The following IDE variants were observed in gnomAD, a reference collection of about 807,000 sequenced individuals.
IDE encodes the protein insulin-degrading enzyme.
Under a neutral mutation model 133.2 loss-of-function variants are expected in IDE, and 58 were observed. The ratio of observed to expected loss-of-function variants is 0.44; its 90% CI spans 0.35 to 0.54. The LOEUF (loss-of-function observed/expected upper bound fraction) is 0.54. Among genes scored for constraint, IDE ranks in the 20% least tolerant of loss-of-function variants. IDE has a pLI of 0.00. For synonymous variants in IDE, 396 were observed against 421.3 expected, an observed-to-expected ratio of 0.94 and a Z score of 0.73; for missense variants, 981 against 1,234.0, an observed-to-expected ratio of 0.79 and a Z score of 3.07.
chr10:92,500,281 G>C (rs1847934203), intron 11 of IDE, among the ~76,000 whole-genome samples: 2 of 149,414 alleles, frequency 1.3e-5, no homozygotes, highest in South Asian at 4.2e-4. Context: ...TGGGCAACAA[G>C]AGTGAAACTC....
intron 11 of IDE, among the ~76,000 whole-genome samples, chr10:92,496,035 C>T (rs577821918): frequency 5.5e-4 from 84 of 151,732 alleles, no homozygotes; most frequent in Non-Finnish European, 4.4e-4. Flanking sequence ...CCACCATGCC[C>T]GGCTAATTTT....
intron 1 of IDE, among the ~76,000 whole-genome samples, chr10:92,552,919 C>A (rs1170744337): frequency 7.3e-6 from 1 of 137,596 alleles, no homozygotes; most frequent in East Asian, 2.1e-4. Context: ...GATTCAAGGG[C>A]TAGGGCAAGA....
In IDE at chr10:92,455,633, A is replaced by T. The variant is rs765469356; in HGVS notation, c.2907T>A (p.Val969=). The change falls in exon 24 of 25, where the codon GTT becomes GTA. Residue 969 remains valine, a synonymous_variant. Coordinates refer to ENST00000265986, the MANE Select transcript of IDE (RefSeq NM_004969.4). ...TGTCATTTTGACATGGGAACTCTCCAACAACAGGACCTATAAGAAAATAAA... is the reference window on the plus strand; with the variant it reads ...TGTCATTTTGACATGGGAACTCTCCTACAACAGGACCTATAAGAAAATAAA... ...LAREMDSCPV[V]GEFPCQNDIN... The T allele has an allele frequency of 6.3e-7, 1 of 1,587,412 alleles. No individual in the cohort carries two copies. Among genetic ancestry groups the T allele is most frequent in the Non-Finnish European group, 8.7e-7 (1 of 1,155,826 alleles).
chr10:92,465,070 G>A (rs1433522354), intron 20 of IDE, among the ~76,000 whole-genome samples: 1 of 152,192 alleles, frequency 6.6e-6, no homozygotes, highest in Non-Finnish European at 1.5e-5. Flanking sequence ...CGAAAGGAAG[G>A]ACCATCCAGA....
intron 1 of IDE, chr10:92,558,745 C>A (rs1177646851): frequency 1.3e-5 from 2 of 152,040 alleles, no homozygotes; most frequent in African/African-American, 4.8e-5. Context: ...CAGGCGTGTA[C>A]CACCATGCCC....
chr10:92,565,819 CCT>C (rs955142265), intron 1 of IDE, among the ~76,000 whole-genome samples: 3 of 152,074 alleles, frequency 2.0e-5, no homozygotes, highest in African/African-American at 7.2e-5. Flanking sequence ...AAAAAATCTC[CCT>C]GTTTTAACGT....
intron 1 of IDE, chr10:92,554,811 T>C (rs6583821): frequency 0.85 from 128,928 of 152,012 alleles, 54,946 homozygotes; most frequent in African/African-American, 0.93. Flanking sequence ...CTCACCACTG[T>C]ACTCTTGCAC....
In IDE at chr10:92,534,706, G is replaced by T. The variant is rs1564657658; in HGVS notation, c.363C>A (p.Tyr121Ter). The T allele has an allele frequency of 1.9e-6, 3 of 1,613,452 alleles. No homozygotes were observed. Among genetic ancestry groups the T allele is most frequent in the Non-Finnish European group, 2.5e-6 (3 of 1,179,568 alleles). ...ACTGGCTGTATTCATTTTCTTTAGGGTATTTCTTTGTTCCCAAAAAAAGCA... is the reference window on the plus strand; with the variant it reads ...ACTGGCTGTATTCATTTTCTTTAGGTTATTTCTTTGTTCCCAAAAAAAGCA... ...EHMLFLGTKK[Y>*]PKENEYSQFL... The change falls in exon 3 of 25, where the codon TAC becomes TAA. Residue 121 changes from tyrosine (Y) to a stop codon, truncating the protein, a stop_gained. Coordinates refer to ENST00000265986, the MANE Select transcript of IDE (RefSeq NM_004969.4). LOFTEE classifies it high-confidence loss of function.
intron 1 of IDE, among the ~76,000 whole-genome samples, chr10:92,571,260 C>T (rs904514003): frequency 1.3e-5 from 2 of 152,078 alleles, no homozygotes; most frequent in East Asian, 3.9e-4. Context: ...GTGATCCCCC[C>T]GACCTCGCCC....
At position 92,453,473 on chromosome 10, in the gene IDE, C is replaced by T. The variant is rs1445275444; in HGVS notation, c.*971G>A. 2.0e-5 allele frequency: 3 copies of T among 152,024 alleles called. No individual in the cohort carries two copies. 9.4% of individuals were successfully genotyped at this position (152,024 alleles called of 1,614,324 possible). A position where few individuals can be genotyped will look rare whatever the true frequency, so the allele number is the denominator to read the frequency against. On this transcript the variant is annotated 3_prime_UTR_variant, in exon 25 of 25. Transcript: ENST00000265986. The stretch of plus-strand genomic sequence containing the variant: ...ACTTTTTATATTTCCAAAAAGGTGG[C>T]TTTGTATTGGCTGCCTTTTAAATTC...
rs75367162 is a variant in IDE at position 92,523,452 on chromosome 10, C to T, written c.661+8296G>A. ...GGGCACAGTGGCTCACACCATAATC[C>T]TAGCACTCTGGGAGGCCAAGGCAGG... On this transcript the variant is annotated intron_variant, in intron 4 of 24. Transcript: ENST00000265986. Among the ~76,000 whole-genome samples, 17 of 151,368 alleles carry T rather than the reference C, an allele frequency of 1.1e-4. No individual in the cohort carries two copies. The East Asian group carries it at 3.3e-3, about 29-fold the overall frequency.
chr10:92,563,010 G>A (rs2135815544), intron 1 of IDE, among the ~76,000 whole-genome samples: 1 of 152,316 alleles, frequency 6.6e-6, no homozygotes, highest in South Asian at 2.1e-4. Flanking sequence ...CAGCACTTTG[G>A]GAGGCCGAGG....
In IDE at chr10:92,453,959, A is replaced by G. The variant is rs1844859788; in HGVS notation, c.*485T>C. On this transcript the variant is annotated 3_prime_UTR_variant, in exon 25 of 25. Transcript: ENST00000265986. The stretch of plus-strand genomic sequence containing the variant: ...AGATGACATTGCTTTATCATCTGCC[A>G]AATGTAATGTTTTCCACTGATTTAC... The G allele has an allele frequency of 6.6e-6, 1 of 152,438 alleles. No individual in the cohort carries two copies. Among genetic ancestry groups the G allele is most frequent in the Admixed American group, 6.5e-5 (1 of 15,308 alleles). 9.4% of individuals were successfully genotyped at this position (152,438 alleles called of 1,614,324 possible).
rs746570259 is a variant in IDE, at chr10:92,534,586, G to A, written c.483C>T (p.Ala161=). ...FDVSHEHLEG[A]LDRFAQFFLC... ...AGGGTATTCTGCATTACCTGTCTAG[G>A]GCACCTTCTAGGTGTTCATGAGAAA... Residue 161 remains alanine, a synonymous_variant, in exon 3 of 25, where the codon GCC becomes GCT. Coordinates refer to ENST00000265986, the MANE Select transcript of IDE (RefSeq NM_004969.4). 8 of 1,608,200 alleles carry A rather than the reference G, an allele frequency of 5.0e-6. No individual in the cohort carries two copies. The highest frequency in any genetic ancestry group is 6.8e-6 in the Non-Finnish European group (8 of 1,174,892).
intron 17 of IDE, chr10:92,474,590 C>T (rs1031364696): frequency 5.9e-6 from 2 of 336,934 alleles, no homozygotes; most frequent in Non-Finnish European, 1.1e-5. Flanking sequence ...TAAGCATATC[C>T]ATCATCTCAA....
At chr10:92,568,789 C>A (rs1843663855) in intron 1 of IDE, among the ~76,000 whole-genome samples, 1 of 151,616 alleles carries the variant, frequency 6.6e-6, no homozygotes. Flanking sequence ...GTACTCTAGC[C>A]TGGGCAACAA....
At chr10:92,567,200 T>C (rs1843596587) in intron 1 of IDE, among the ~76,000 whole-genome samples, 1 of 152,186 alleles carries the variant, frequency 6.6e-6, no homozygotes, top group South Asian at 2.1e-4. Context: ...GTTCTCTTGG[T>C]ATGCCTTTGG....
At chr10:92,538,534 A>G (rs1379300275) in intron 1 of IDE, among the ~76,000 whole-genome samples, 1 of 152,270 alleles carries the variant, frequency 6.6e-6, no homozygotes, top group South Asian at 2.1e-4. Context: ...GAGCAGGAAA[A>G]GTCTGGCAAT....
At chr10:92,546,869 T>C (rs1035417195) in intron 1 of IDE, among the ~76,000 whole-genome samples, 7 of 152,068 alleles carry the variant, frequency 4.6e-5, no homozygotes, top group African/African-American at 1.7e-4. Context: ...TTGAATAAAT[T>C]CTCCCCTCAA....
Sources: gnomAD v4.1 joint callset for allele counts (sites outside exome capture counted in the v4.1 genomes callset) on GRCh38, gnomAD v4.1.1 for gene constraint, MANE v1.5 for transcripts, NCBI Gene and HGNC (gene_info 2026-07-23, HGNC 2026-07-21) for gene names.